Variants in CD34 observed in about 807,000 individuals in gnomAD.
The protein encoded by CD34 is CD34 molecule.
CD34 carries 34 observed loss-of-function variants against 40.1 expected under a neutral mutation model. That is an observed-to-expected ratio of 0.85 (90% CI 0.65 to 1.13). The LOEUF (loss-of-function observed/expected upper bound fraction) is 1.13. Ranked by LOEUF, CD34 falls within the 50% of genes most tolerant of loss-of-function variation. The pLI, the probability that CD34 is intolerant of heterozygous loss-of-function variation, is 0.00. For synonymous variants in CD34, 209 were observed against 190.0 expected (o/e 1.10, Z -0.82); for missense variants, 426 against 466.9 (o/e 0.91, Z 0.81).
intron 1 of CD34, among the ~76,000 whole-genome samples, chr1:207,904,405 C>T (rs1662337616): frequency 6.6e-6 from 1 of 152,194 alleles, no homozygotes; most frequent in East Asian, 1.9e-4. Flanking sequence ...ACTGTATCAC[C>T]AGGAAGGCGG....
chr1:207,889,953 A>G (rs1011044047), intron 4 of CD34: 6 of 1,472,854 alleles, frequency 4.1e-6, no homozygotes, highest in Admixed American at 6.3e-5. Context: ...AACAGAAAAT[A>G]TTAATAATGC....
chr1:207,889,875 A>G, intron 4 of CD34: 1 of 1,553,594 alleles, frequency 6.4e-7, no homozygotes, highest in South Asian at 1.2e-5. Context: ...ACAAACTTAA[A>G]AAAATTGTCT....
chr1:207,887,646 A>G lies in CD34; in HGVS notation c.*92T>C. On this transcript the variant is annotated 3_prime_UTR_variant, in exon 8 of 8. Coordinates refer to ENST00000310833, the MANE Select transcript of CD34 (RefSeq NM_001025109.2). Reference sequence around the variant, plus strand: ...GCAGTGGGGAAGGGTTGGGCGTAAGAGATGTCACCTCCAGCATGGGGGTAG... The same window carrying G: ...GCAGTGGGGAAGGGTTGGGCGTAAGGGATGTCACCTCCAGCATGGGGGTAG... 6.4e-7 allele frequency: 1 copy of G among 1,555,332 alleles called. No homozygotes were observed. The highest frequency in any genetic ancestry group is 8.7e-7 in the Non-Finnish European group (1 of 1,146,570).
At chr1:207,888,985 A>C (rs1661970333) in intron 6 of CD34, 139 bp from the exon 7 acceptor site, 1 of 966,814 alleles carries the variant, frequency 1.0e-6, no homozygotes, top group Non-Finnish European at 1.6e-6. Flanking sequence ...ATGGGATTTG[A>C]GACTGACGTC....
chr1:207,908,202 AAGG>A (rs1461527806), intron 1 of CD34, among the ~76,000 whole-genome samples: 1 of 152,230 alleles, frequency 6.6e-6, no homozygotes, highest in African/African-American at 2.4e-5. Context: ...ATTGCGAAGG[AAGG>A]AGATGAGGAC....
At chr1:207,891,047 T>C (rs941971348) in intron 4 of CD34, among the ~76,000 whole-genome samples, 1 of 149,820 alleles carries the variant, frequency 6.7e-6, no homozygotes, top group Non-Finnish European at 1.5e-5. Flanking sequence ...GCACCGAGAG[T>C]CTGGATGAGG....
At chr1:207,906,385 C>T (rs544637161) in intron 1 of CD34, among the ~76,000 whole-genome samples, 5 of 152,178 alleles carry the variant, frequency 3.3e-5, no homozygotes, top group Non-Finnish European at 5.9e-5. Flanking sequence ...AGGGGGCTGT[C>T]CAACTCTGAG....
intron 4 of CD34, among the ~76,000 whole-genome samples, chr1:207,892,155 C>T (rs1282568680): frequency 2.6e-5 from 4 of 152,248 alleles, no homozygotes; most frequent in Admixed American, 2.6e-4. Flanking sequence ...GCTGGTCCTA[C>T]CTTCAACCAG....
intron 4 of CD34, chr1:207,890,062 A>C: frequency 7.6e-7 from 1 of 1,311,650 alleles, no homozygotes; most frequent in Non-Finnish European, 9.7e-7. Context: ...CAAATCTATA[A>C]TATACACTCA....
intron 1 of CD34, 30 bp from the exon 2 acceptor site, chr1:207,900,033 A>G (rs1381693114): frequency 1.3e-6 from 2 of 1,551,846 alleles, no homozygotes; most frequent in African/African-American, 2.7e-5. Flanking sequence ...AAGAATCAGA[A>G]CCTAAAGATA....
intron 4 of CD34, among the ~76,000 whole-genome samples, chr1:207,892,896 G>A (rs1254084295): frequency 6.6e-6 from 1 of 152,130 alleles, no homozygotes; most frequent in Admixed American, 6.5e-5. Flanking sequence ...TCCACACAGG[G>A]TCCCTCCACC....
At chr1:207,906,435 G>A (rs1320503152) in intron 1 of CD34, among the ~76,000 whole-genome samples, 2 of 152,182 alleles carry the variant, frequency 1.3e-5, no homozygotes, top group Non-Finnish European at 2.9e-5. Flanking sequence ...TAGAACAAGG[G>A]ACTGAGCAGA....
rs1260504926 is a variant in CD34, at chr1:207,887,915, G to A, written c.981C>T (p.Asp327=). Residue 327 remains aspartate (D), a synonymous_variant, in exon 8 of 8, where the codon GAC becomes GAT. Coordinates refer to ENST00000310833, the MANE Select transcript of CD34 (RefSeq NM_001025109.2). ...CTCCACCGTTTTCCGTGTAATAAGG[G>A]TCTTCGCCCTAGACAGTGTATAAAT... The part of the protein sequence containing the change: ...WSPTGERLGE[D]PYYTENGGGQ... 5.6e-6 allele frequency: 9 copies of A among 1,613,494 alleles called. No individual in the cohort carries two copies. Among genetic ancestry groups the A allele is most frequent in the Admixed American group, 1.7e-5 (1 of 59,892 alleles).
intron 7 of CD34, among the ~76,000 whole-genome samples, chr1:207,888,465 G>A (rs998815524): frequency 6.6e-6 from 1 of 152,154 alleles, no homozygotes; most frequent in Non-Finnish European, 1.5e-5. Flanking sequence ...CTACCACACC[G>A]AGTAGGTGGG....
In CD34 at chr1:207,899,121, G is replaced by A; in HGVS notation, c.368C>T (p.Thr123Ile). The A allele has an allele frequency of 1.2e-6, 2 of 1,614,230 alleles. No homozygotes were observed. Among genetic ancestry groups the A allele is most frequent in the Non-Finnish European group, 1.7e-6 (2 of 1,180,034 alleles). Reference sequence around the variant, plus strand: ...CTCTGGAGTTGAAACGTTGGCTGGGGTGGTGAACACTGTGCTGATTACAGA... The same window carrying A: ...CTCTGGAGTTGAAACGTTGGCTGGGATGGTGAACACTGTGCTGATTACAGA... Reference protein sequence around the residue: ...QTSVISTVFTTPANVSTPETT... With the variant: ...QTSVISTVFTIPANVSTPETT... Residue 123 changes from threonine to isoleucine, a missense_variant, in exon 3 of 8, where the codon ACC (threonine) becomes ATC (isoleucine). By Grantham distance (89) the Thr-to-Ile change is moderately conservative. Transcript: ENST00000310833.
In CD34 at chr1:207,884,330, A is replaced by G. The variant is rs1006469698; in HGVS notation, c.*3408T>C. 2.6e-5 allele frequency: 4 copies of G among 152,268 alleles called. No individual in the cohort carries two copies. The highest frequency in any genetic ancestry group is 9.6e-5 in the African/African-American group (4 of 41,478). The allele number at this position is 152,268 out of a possible 1,614,324, so 9.4% of individuals were successfully genotyped here. ...CTCTCAATCCTGAAAACACATGTAT[A>G]TACTTACTGAGATGACATTGTTTAC... is the stretch of plus-strand genomic sequence containing the variant. On this transcript the variant is annotated 3_prime_UTR_variant, in exon 8 of 8. Coordinates refer to ENST00000310833, the MANE Select transcript of CD34 (RefSeq NM_001025109.2).
Position 207,899,834 on chromosome 1 carries a change from T to G in CD34, c.249A>C (p.Thr83=), listed in dbSNP as rs767607306. The G allele has an allele frequency of 3.7e-6, 6 of 1,611,238 alleles. No homozygotes were observed. In the East Asian group the frequency reaches 1.3e-4, roughly 36 times the overall value. Residue 83 remains threonine (T), a synonymous_variant, in exon 2 of 8, where the codon ACA becomes ACC. Coordinates refer to ENST00000310833, the MANE Select transcript of CD34 (RefSeq NM_001025109.2). ...TGCTGTTTTTACCTGTGATGTTTGT[T>G]GTGGCCTCATTGCCATGTTGAGACA... The part of the protein sequence containing the change: ...HPVSQHGNEA[T]TNITETTVKF...
intron 1 of CD34, among the ~76,000 whole-genome samples, chr1:207,910,646 C>T (rs2102309695): frequency 6.6e-6 from 1 of 152,322 alleles, no homozygotes; most frequent in Non-Finnish European, 1.5e-5. Context: ...CTGCTTCTCT[C>T]CTCCCCAGTC....
intron 4 of CD34, 36 bp downstream of exon 4, chr1:207,897,457 G>C: frequency 1.4e-6 from 2 of 1,416,612 alleles, no homozygotes; most frequent in Non-Finnish European, 2.0e-6. Flanking sequence ...AAGGGACAGG[G>C]GCGGGAGGAA....
Sources: allele counts gnomAD v4.1 joint callset (sites outside exome capture counted in the v4.1 genomes callset), GRCh38; gene constraint gnomAD v4.1.1; transcripts MANE v1.5; gene names NCBI Gene and HGNC (gene_info 2026-07-23, HGNC 2026-07-21).